The following NCMAP variants were observed in gnomAD, a reference collection of about 807,000 sequenced individuals.
NCMAP encodes non-compact myelin associated protein.
In NCMAP, 8 loss-of-function variants were observed where a neutral mutation model predicts 7.8. That is an observed-to-expected ratio of 1.02 (90% CI 0.60 to 1.84). NCMAP has a LOEUF of 1.84. Among genes scored for constraint, NCMAP ranks in the 40% most tolerant of loss-of-function variants. NCMAP has a pLI of 0.00. For missense variants in NCMAP, 112 were observed against 131.4 expected, an observed-to-expected ratio of 0.85 and a Z score of 0.72; for synonymous variants, 41 against 52.9, an observed-to-expected ratio of 0.78 and a Z score of 0.98.
At chr1:24,590,636 T>C (rs2148933960) in intron 1 of NCMAP, among the ~76,000 whole-genome samples, 1 of 152,308 alleles carries the variant, frequency 6.6e-6, no homozygotes, top group East Asian at 1.9e-4. Context: ...GGTCTTGCTC[T>C]GTCACCCAAG....
At chr1:24,574,690 G>T (rs886507261) in intron 1 of NCMAP, among the ~76,000 whole-genome samples, 3 of 152,028 alleles carry the variant, frequency 2.0e-5, no homozygotes, top group African/African-American at 7.2e-5. Context: ...CAACATCAGG[G>T]GCCCAGTAGA....
intron 3 of NCMAP, among the ~76,000 whole-genome samples, chr1:24,602,383 C>T (rs1331728945): frequency 7.4e-6 from 1 of 135,414 alleles, no homozygotes; most frequent in Non-Finnish European, 1.5e-5. Flanking sequence ...GAGATCGAGA[C>T]CACGGTGAAA....
intron 1 of NCMAP, among the ~76,000 whole-genome samples, chr1:24,577,401 G>GTTTTTTTTTGT (rs1651605073): frequency 1.8e-4 from 7 of 39,954 alleles, no homozygotes; most frequent in African/African-American, 2.1e-4. Flanking sequence ...CACTGGCCTT[G>GTTTTTTTTTGT]TTTTTTTTTT....
intron 2 of NCMAP, among the ~76,000 whole-genome samples, chr1:24,596,762 T>A (rs147234360): frequency 1.3e-5 from 2 of 152,232 alleles, no homozygotes; most frequent in East Asian, 3.9e-4. Context: ...TCCCATCAAC[T>A]GATGAAAGAG....
At chr1:24,561,692 C>T (rs981792343) in intron 1 of NCMAP, among the ~76,000 whole-genome samples, 1 of 152,182 alleles carries the variant, frequency 6.6e-6, no homozygotes, top group Admixed American at 6.5e-5. Context: ...GGGCAGATCT[C>T]CTGAGGTCAG....
chr1:24,574,320 T>C (rs758939692), intron 1 of NCMAP, among the ~76,000 whole-genome samples: 1 of 151,004 alleles, frequency 6.6e-6, no homozygotes, highest in African/African-American at 2.5e-5. Flanking sequence ...GGTTTCACCA[T>C]GTTGGCCAGG....
chr1:24,565,572 TTG>T (rs58714256), intron 1 of NCMAP, among the ~76,000 whole-genome samples: 1,569 of 143,732 alleles, frequency 0.011, 11 homozygotes, highest in South Asian at 0.024. Flanking sequence ...TGATAGAAGA[TTG>T]TGTGTGTGTG....
rs12097115 is a variant in NCMAP, at chr1:24,608,939, G to C, written c.*3192G>C. 2 of 152,154 alleles carry C rather than the reference G, an allele frequency of 1.3e-5. No individual in the cohort carries two copies. Among genetic ancestry groups the C allele is most frequent in the Non-Finnish European group, 2.9e-5 (2 of 68,072 alleles). 9.4% of individuals were successfully genotyped at this position (152,154 alleles called of 1,614,324 possible). ...AAAACTAGACTCTTCTGCCCACAGT[G>C]CAGTCTTCTAAGGGTTACCCTCTGG... is the stretch of plus-strand genomic sequence containing the variant. On this transcript the variant is annotated 3_prime_UTR_variant, in exon 4 of 4. Coordinates refer to ENST00000374392, the MANE Select transcript of NCMAP (RefSeq NM_001010980.5).
At chr1:24,583,004 C>T (rs1557598306) in intron 1 of NCMAP, among the ~76,000 whole-genome samples, 1 of 152,182 alleles carries the variant, frequency 6.6e-6, no homozygotes, top group African/African-American at 2.4e-5. Flanking sequence ...TCATCGCCAT[C>T]GTCGTCATCA....
At chr1:24,564,324 A>G (rs1210709520) in intron 1 of NCMAP, among the ~76,000 whole-genome samples, 1 of 151,966 alleles carries the variant, frequency 6.6e-6, no homozygotes, top group Admixed American at 6.6e-5. Context: ...AGCCTGGCCA[A>G]TATGGTGAAA....
chr1:24,577,003 T>C (rs532466468), intron 1 of NCMAP, among the ~76,000 whole-genome samples: 50 of 152,094 alleles, frequency 3.3e-4, no homozygotes, highest in Non-Finnish European at 6.6e-4. Context: ...CTGGGCGTGG[T>C]GGTGCATGCC....
At chr1:24,588,911 G>T (rs2148933439) in intron 1 of NCMAP, among the ~76,000 whole-genome samples, 1 of 152,240 alleles carries the variant, frequency 6.6e-6, no homozygotes, top group Admixed American at 6.5e-5. Context: ...ACATTGATTT[G>T]GGCCCTGGAT....
At chr1:24,578,981 C>G (rs1651671851) in intron 1 of NCMAP, among the ~76,000 whole-genome samples, 1 of 152,136 alleles carries the variant, frequency 6.6e-6, no homozygotes, top group Non-Finnish European at 1.5e-5. Flanking sequence ...TTCATTTTTT[C>G]TTTGGCTGAC....
intron 1 of NCMAP, among the ~76,000 whole-genome samples, chr1:24,590,846 T>C (rs1652026665): frequency 6.6e-6 from 1 of 152,180 alleles, no homozygotes; most frequent in South Asian, 2.1e-4. Context: ...TCTAAGTTAG[T>C]TCAGCAAATA....
At chr1:24,571,122 G>A (rs1651377236) in intron 1 of NCMAP, among the ~76,000 whole-genome samples, 1 of 150,734 alleles carries the variant, frequency 6.6e-6, no homozygotes, top group Non-Finnish European at 1.5e-5. Context: ...GTGGTTTGGT[G>A]TTGTCCAATA....
chr1:24,602,169 C>A (rs924222715), intron 3 of NCMAP, among the ~76,000 whole-genome samples: 2 of 152,066 alleles, frequency 1.3e-5, no homozygotes, highest in Admixed American at 1.3e-4. Flanking sequence ...ACATAGGTTA[C>A]CCATACACAT....
At chr1:24,592,641 A>G (rs1000332013) in intron 1 of NCMAP, among the ~76,000 whole-genome samples, 3 of 152,176 alleles carry the variant, frequency 2.0e-5, no homozygotes, top group African/African-American at 4.8e-5. Context: ...AACTGGGACC[A>G]GGCGCAGTGG....
At chr1:24,587,145 T>C (rs1471758726) in intron 1 of NCMAP, among the ~76,000 whole-genome samples, 1 of 152,170 alleles carries the variant, frequency 6.6e-6, no homozygotes, top group Non-Finnish European at 1.5e-5. Flanking sequence ...ATTCTGAACA[T>C]GTCAGCCCCC....
intron 3 of NCMAP, among the ~76,000 whole-genome samples, chr1:24,602,521 G>C (rs1290888037): frequency 8.6e-6 from 1 of 116,902 alleles, no homozygotes; most frequent in Non-Finnish European, 1.6e-5. Context: ...AGTGAGCGGA[G>C]ATCGCGCCAC....
Sources: allele counts gnomAD v4.1 joint callset (sites outside exome capture counted in the v4.1 genomes callset), GRCh38; gene constraint gnomAD v4.1.1; transcripts MANE v1.5; gene names NCBI Gene and HGNC (gene_info 2026-07-23, HGNC 2026-07-21).